Variants in RBFOX1 observed in about 807,000 individuals in gnomAD.
RBFOX1 encodes RNA binding fox-1 homolog 1.
Under a neutral mutation model 57.7 loss-of-function variants are expected in RBFOX1, and 8 were observed. The observed-to-expected ratio is 0.14, with a 90% CI of 0.08 to 0.25. The LOEUF (loss-of-function observed/expected upper bound fraction) is 0.25. RBFOX1 is among the 10% of genes least tolerant of loss of function. RBFOX1 has a pLI of 1.00. For missense variants in RBFOX1, 611 were observed against 548.5 expected (o/e 1.11, Z -1.14); for synonymous variants, 326 against 222.4 (o/e 1.47, Z -4.15).
At chr16:5,433,818 A>T (rs1225075375) in intron 1 of RBFOX1, among the ~76,000 whole-genome samples, 1 of 152,164 alleles carries the variant, frequency 6.6e-6, no homozygotes, top group Non-Finnish European at 1.5e-5. Flanking sequence ...AGCATGGTGC[A>T]TACCAGCACA....
At chr16:6,168,089 T>C (rs527841055) in intron 1 of RBFOX1, among the ~76,000 whole-genome samples, 1 of 152,270 alleles carries the variant, frequency 6.6e-6, no homozygotes, top group African/African-American at 2.4e-5. Flanking sequence ...TTAAAGCTAG[T>C]CTAACAATGG....
chr16:6,999,212 A>ATTT (rs1254312494), intron 3 of RBFOX1, among the ~76,000 whole-genome samples: 1,194 of 117,524 alleles, frequency 0.01, 18 homozygotes, highest in South Asian at 0.032. Flanking sequence ...TTTTATTTTT[A>ATTT]TTTATTTTTT....
At chr16:6,590,629 G>T (rs8057823) in intron 2 of RBFOX1, among the ~76,000 whole-genome samples, 78,141 of 151,954 alleles carry the variant, frequency 0.51, 20,681 homozygotes, top group East Asian at 0.72. Context: ...GGCTTCATGG[G>T]GCCTAGCTGG....
At chr16:6,176,315 T>TC in intron 1 of RBFOX1, among the ~76,000 whole-genome samples, 1 of 133,236 alleles carries the variant, frequency 7.5e-6, no homozygotes, top group Admixed American at 7.6e-5. Flanking sequence ...CTGACCAAAT[T>TC]TTTTTTTTTT....
intron 1 of RBFOX1, among the ~76,000 whole-genome samples, chr16:5,339,480 T>TTTTTG (rs1314014904): frequency 9.0e-6 from 1 of 111,266 alleles, no homozygotes; most frequent in Non-Finnish European, 1.8e-5. Context: ...GTTTTTTTTT[T>TTTTTG]TTTTTTTTTT....
chr16:5,338,760 G>A (rs1359418773), intron 1 of RBFOX1, among the ~76,000 whole-genome samples: 1 of 152,122 alleles, frequency 6.6e-6, no homozygotes, highest in Non-Finnish European at 1.5e-5. Flanking sequence ...CTGGCCTCAG[G>A]CAATCCCCAC....
chr16:6,492,048 A>G (rs1490326349), intron 2 of RBFOX1, among the ~76,000 whole-genome samples: 2 of 152,160 alleles, frequency 1.3e-5, no homozygotes, highest in African/African-American at 2.4e-5. Flanking sequence ...GTAGTAATGG[A>G]GAAGACAAAT....
Position 6,019,486 on chromosome 16 carries a change from C to T in RBFOX1, c.-633C>T. 1 of 1,010,392 alleles carries T rather than the reference C, an allele frequency of 9.9e-7. No homozygotes were observed. Among genetic ancestry groups the T allele is most frequent in the Non-Finnish European group, 1.2e-6 (1 of 846,588 alleles). 62.6% of individuals were successfully genotyped at this position (1,010,392 alleles called of 1,614,324 possible). On this transcript the variant is annotated 5_prime_UTR_variant, in exon 1 of 16. Transcript: ENST00000550418. This position sits in a 1 kb window ranked among gnomAD's most constrained non-coding sequence, Gnocchi z 4.2. ...GCGGAGGGGAATCCCTCCCCCTCCG[C>T]CCCAGCCCCCCAGCAGCACCCGCGG...
chr16:7,680,539 A>G (rs912735474), intron 14 of RBFOX1, among the ~76,000 whole-genome samples: 8 of 152,150 alleles, frequency 5.3e-5, no homozygotes, highest in African/African-American at 1.7e-4. Flanking sequence ...TCACAGTCCA[A>G]TTACACTGAT....
intron 3 of RBFOX1, among the ~76,000 whole-genome samples, chr16:5,828,975 C>T (rs567472292): frequency 2.0e-5 from 3 of 152,244 alleles, no homozygotes; most frequent in African/African-American, 7.2e-5. Context: ...TCCGGGTCTC[C>T]CACAGGCTGC....
chr16:7,065,826 G>A (rs2055869695), intron 4 of RBFOX1, among the ~76,000 whole-genome samples: 1 of 152,028 alleles, frequency 6.6e-6, no homozygotes, highest in African/African-American at 2.4e-5. Flanking sequence ...CCAAGCCTCT[G>A]GTAATCACCA....
chr16:7,518,025 G>A, intron 4 of RBFOX1, 122 bp from the exon 5 acceptor site: 2 of 1,231,150 alleles, frequency 1.6e-6, no homozygotes, highest in Non-Finnish European at 2.2e-6. Flanking sequence ...TCAGGCTGGT[G>A]GCACCATGGT....
At chr16:6,284,743 G>A (rs886975517) in intron 1 of RBFOX1, among the ~76,000 whole-genome samples, 12 of 152,116 alleles carry the variant, frequency 7.9e-5, no homozygotes, top group Admixed American at 3.3e-4. Flanking sequence ...AGGGGAGAAT[G>A]GAAATTATTT....
intron 1 of RBFOX1, among the ~76,000 whole-genome samples, chr16:6,060,535 G>T (rs568080952): frequency 1.1e-4 from 17 of 152,162 alleles, no homozygotes; most frequent in Non-Finnish European, 1.9e-4. Flanking sequence ...TTTCAGGTTC[G>T]ACCTCTACGT....
At chr16:6,993,727 T>G (rs1241475845) in intron 3 of RBFOX1, among the ~76,000 whole-genome samples, 1 of 152,166 alleles carries the variant, frequency 6.6e-6, no homozygotes, top group African/African-American at 2.4e-5. Flanking sequence ...TGCGTGTGTT[T>G]GGCAGCAGCC....
chr16:5,720,201 TGGTCATTTGTAGTAG>T (rs929711072), intron 3 of RBFOX1, among the ~76,000 whole-genome samples: 37 of 152,352 alleles, frequency 2.4e-4, no homozygotes, highest in African/African-American at 8.7e-4. Context: ...GTGTGCTTAC[TGGTCATTTGTAGTAG>T]GTCTTTTTTG....
intron 4 of RBFOX1, among the ~76,000 whole-genome samples, chr16:7,062,383 G>C (rs145568190): frequency 4.7e-5 from 7 of 150,250 alleles, no homozygotes; most frequent in African/African-American, 7.3e-5. Flanking sequence ...AAAGCTTTCT[G>C]TCTTCCTTCA....
chr16:7,003,845 A>G (rs530830342), intron 3 of RBFOX1, among the ~76,000 whole-genome samples: 16 of 152,212 alleles, frequency 1.1e-4, no homozygotes, highest in South Asian at 1.0e-3. Context: ...AATTGCAAAG[A>G]CTCACTAATG....
chr16:7,639,700 C>A (rs1246979522), intron 11 of RBFOX1, among the ~76,000 whole-genome samples: 3 of 152,102 alleles, frequency 2.0e-5, no homozygotes, highest in Non-Finnish European at 4.4e-5. Flanking sequence ...TTAGCACTGC[C>A]ATTGGGGTGC....
Sources: gnomAD v4.1 joint callset for allele counts (sites outside exome capture counted in the v4.1 genomes callset) on GRCh38, gnomAD v4.1.1 for gene constraint, Gnocchi (gnomAD v3.1) non-coding constraint, MANE v1.5 for transcripts, NCBI Gene and HGNC (gene_info 2026-07-23, HGNC 2026-07-21) for gene names.